Variants in PCDHGA7 observed in about 807,000 individuals in gnomAD.
The protein encoded by PCDHGA7 is protocadherin gamma-A7.
Under a neutral mutation model 58.3 loss-of-function variants are expected in PCDHGA7, and 44 were observed. That is an observed-to-expected ratio of 0.75 (90% CI 0.59 to 0.97). The LOEUF (loss-of-function observed/expected upper bound fraction) is 0.97. PCDHGA7 is among the 50% of genes least tolerant of loss of function. The probability of loss-of-function intolerance (pLI) is 0.00; values close to 1 mark genes in which losing one functional copy is unlikely to be tolerated. For missense variants in PCDHGA7, 1,266 were observed against 1,188.7 expected (o/e 1.06, Z -0.96); for synonymous variants, 516 against 504.2 (o/e 1.02, Z -0.31).
chr5:141,440,503 G>A (rs979260104), intron 1 of PCDHGA7: 10 of 152,154 alleles, frequency 6.6e-5, no homozygotes, highest in Non-Finnish European at 1.0e-4. Flanking sequence ...ACATTAATAT[G>A]GAGATTCAGG....
intron 1 of PCDHGA7, among the ~76,000 whole-genome samples, chr5:141,430,380 T>C (rs1464446838): frequency 2.7e-5 from 4 of 147,890 alleles, no homozygotes; most frequent in Non-Finnish European, 4.5e-5. Flanking sequence ...AAAAGCTCAT[T>C]GGGAAAAAAA....
intron 1 of PCDHGA7, among the ~76,000 whole-genome samples, chr5:141,434,819 A>G (rs2097719619): frequency 6.6e-6 from 1 of 151,946 alleles, no homozygotes; most frequent in Admixed American, 6.6e-5. Flanking sequence ...TATATCCCTT[A>G]GTACACTTGG....
chr5:141,474,551 C>G (rs1032524620), intron 1 of PCDHGA7, among the ~76,000 whole-genome samples: 35 of 152,312 alleles, frequency 2.3e-4, no homozygotes, highest in Non-Finnish European at 3.5e-4. Flanking sequence ...GCATTTAAAA[C>G]TGGGGGTTTT....
intron 1 of PCDHGA7, chr5:141,419,030 C>G (rs1178461733): frequency 5.0e-6 from 8 of 1,613,768 alleles, no homozygotes; most frequent in Non-Finnish European, 6.8e-6. Context: ...TAGAGGTGTT[C>G]CATTTAAGAT....
chr5:141,405,233 G>A (rs746061797), intron 1 of PCDHGA7: 10 of 1,613,914 alleles, frequency 6.2e-6, no homozygotes, highest in East Asian at 2.2e-5. Flanking sequence ...CTCCCTCACC[G>A]CTGACTCAAG....
At chr5:141,388,332 A>G in intron 1 of PCDHGA7, 1 of 1,614,002 alleles carries the variant, frequency 6.2e-7, no homozygotes. Flanking sequence ...ACAGCCTGGC[A>G]CACGATTTAT....
chr5:141,487,293 C>T lies in PCDHGA7; in HGVS notation c.2425-7514C>T. ...GCAATTTGCTTTGTCTCCTTTGGCT[C>T]ATTCGTGGCACTACTCTCTAAGTGT... is the stretch of plus-strand genomic sequence containing the variant. On this transcript the variant is annotated intron_variant, in intron 1 of 3. Transcript: ENST00000518325. The surrounding 1 kb of genome is among the most constrained non-coding windows in gnomAD (Gnocchi z 5.0). 1 of 1,614,148 alleles carries T rather than the reference C, an allele frequency of 6.2e-7. No individual in the cohort carries two copies. Among genetic ancestry groups the T allele is most frequent in the Non-Finnish European group, 8.5e-7 (1 of 1,180,010 alleles).
At chr5:141,458,615 G>A (rs2098949624) in intron 1 of PCDHGA7, among the ~76,000 whole-genome samples, 1 of 152,088 alleles carries the variant, frequency 6.6e-6, no homozygotes, top group Admixed American at 6.6e-5. Flanking sequence ...TGTCAGCCAG[G>A]CTGGAGTGCA....
At chr5:141,504,500 GAGTGGATCT>G (rs2099838791) in intron 2 of PCDHGA7, among the ~76,000 whole-genome samples, 1 of 152,072 alleles carries the variant, frequency 6.6e-6, no homozygotes, top group Non-Finnish European at 1.5e-5. Context: ...TGCCCAGTCT[GAGTGGATCT>G]CCTCTGATAT....
At chr5:141,388,794 A>G (rs879026266) in intron 1 of PCDHGA7, 1 of 1,613,898 alleles carries the variant, frequency 6.2e-7, no homozygotes, top group Non-Finnish European at 8.5e-7. Context: ...TGTTTTAAAT[A>G]CATTAGATTT....
intron 1 of PCDHGA7, chr5:141,413,123 AAACACAC>A (rs2095606041): frequency 2.0e-6 from 3 of 1,526,818 alleles, no homozygotes; most frequent in Middle Eastern, 3.6e-4. Context: ...GAACCGGTTG[AAACACAC>A]AACGTGTCCA....
At chr5:141,445,963 A>G (rs2098483291) in intron 1 of PCDHGA7, among the ~76,000 whole-genome samples, 2 of 152,342 alleles carry the variant, frequency 1.3e-5, no homozygotes, top group South Asian at 2.1e-4. Flanking sequence ...TATATGGAGA[A>G]TTGATTTATG....
In PCDHGA7 at chr5:141,405,166, A is replaced by G. The variant is rs1303146593; in HGVS notation, c.2424+19843A>G. The G allele has an allele frequency of 9.3e-6, 15 of 1,613,862 alleles. No individual in the cohort carries two copies. In the East Asian group the frequency reaches 3.3e-4, roughly 36 times the overall value. On this transcript the variant is annotated intron_variant, in intron 1 of 3. Coordinates refer to ENST00000518325, the MANE Select transcript of PCDHGA7 (RefSeq NM_018920.4). Reference sequence around the variant, plus strand: ...ATGGGTTGGCTGGTGTGCCCACCTCACACTTTGTGGGTGTAGATGGGGTTC... The same window carrying G: ...ATGGGTTGGCTGGTGTGCCCACCTCGCACTTTGTGGGTGTAGATGGGGTTC...
chr5:141,409,438 A>G (rs1459982502), intron 1 of PCDHGA7: 2 of 1,613,984 alleles, frequency 1.2e-6, no homozygotes, highest in Non-Finnish European at 1.7e-6. Flanking sequence ...CCCTGGACCG[A>G]GAGCAGACAC....
intron 1 of PCDHGA7, chr5:141,427,531 A>C: frequency 1.6e-6 from 1 of 620,632 alleles, no homozygotes. Flanking sequence ...ATCCCGGAGT[A>C]CAACGTCACC....
In PCDHGA7 at chr5:141,477,292, A is replaced by G; in HGVS notation, c.2425-17515A>G. The G allele has an allele frequency of 1.2e-6, 2 of 1,614,114 alleles. No individual in the cohort carries two copies. The highest frequency in any genetic ancestry group is 4.5e-5 in the East Asian group (2 of 44,862). On this transcript the variant is annotated intron_variant, in intron 1 of 3. Transcript: ENST00000518325. The surrounding 1 kb of genome is among the most constrained non-coding windows in gnomAD (Gnocchi z 4.9). ...ACGGGCTGGTGACCTGCGAAGTTCCACCGGGTCTCCCTTTCAGCCTTACTT... is the reference window on the plus strand; with the variant it reads ...ACGGGCTGGTGACCTGCGAAGTTCCGCCGGGTCTCCCTTTCAGCCTTACTT...
At chr5:141,420,824 C>T (rs1282369085) in intron 1 of PCDHGA7, among the ~76,000 whole-genome samples, 1 of 152,216 alleles carries the variant, frequency 6.6e-6, no homozygotes, top group Admixed American at 6.5e-5. Context: ...TTAATAATTA[C>T]TCCTTTCGCA....
chr5:141,395,528 A>T, intron 1 of PCDHGA7: 1 of 368,434 alleles, frequency 2.7e-6, no homozygotes, highest in Non-Finnish European at 4.9e-6. Flanking sequence ...CCATACTGGT[A>T]ATTTTGCTAT....
chr5:141,497,957 A>G (rs2099780682), intron 2 of PCDHGA7, among the ~76,000 whole-genome samples: 1 of 152,242 alleles, frequency 6.6e-6, no homozygotes, highest in Non-Finnish European at 1.5e-5. Flanking sequence ...TCTGTTGGCC[A>G]GGCAGTGTTC....
Sources: allele counts gnomAD v4.1 joint callset (sites outside exome capture counted in the v4.1 genomes callset), GRCh38; gene constraint gnomAD v4.1.1; non-coding constraint Gnocchi (gnomAD v3.1); transcripts MANE v1.5; gene names NCBI Gene and HGNC (gene_info 2026-07-23, HGNC 2026-07-21).